Variants in DNAH12 observed in about 807,000 individuals in gnomAD.
DNAH12 encodes dynein axonemal heavy chain 12.
A neutral mutation model predicts 371.5 loss-of-function variants in DNAH12; 285 were observed. That is an observed-to-expected ratio of 0.77 (90% CI 0.70 to 0.85). DNAH12 has a LOEUF of 0.85. Among genes scored for constraint, DNAH12 ranks in the 40% least tolerant of loss-of-function variants. DNAH12 has a pLI of 0.00. For synonymous variants in DNAH12, 1,200 were observed against 1,213.0 expected, an observed-to-expected ratio of 0.99 and a Z score of 0.22; for missense variants, 3,611 against 3,689.4, an observed-to-expected ratio of 0.98 and a Z score of 0.55.
chr3:57,551,590 C>A, the DNAH12 span, among the ~76,000 whole-genome samples: 9 of 152,110 alleles, frequency 5.9e-5, no homozygotes, highest in Non-Finnish European at 1.2e-4. Flanking sequence ...TTCTTACTTT[C>A]AGTAGTTTTA....
At chr3:57,371,872 A>G (rs964995174) in intron 55 of DNAH12, among the ~76,000 whole-genome samples, 2 of 147,454 alleles carry the variant, frequency 1.4e-5, no homozygotes, top group African/African-American at 2.5e-5. Flanking sequence ...TCTTGAAAGA[A>G]AAAACAAAAA....
At chr3:57,520,195 G>T (rs1465390199) in intron 4 of DNAH12, among the ~76,000 whole-genome samples, 1 of 151,138 alleles carries the variant, frequency 6.6e-6, no homozygotes, top group Non-Finnish European at 1.5e-5. Context: ...TCACTGCAAC[G>T]TCTGCCTCCG....
Position 57,471,457 on chromosome 3 carries a change from A to T in DNAH12, c.1911+15T>A, listed in dbSNP as rs1028520087. The T allele has an allele frequency of 1.3e-6, 2 of 1,531,800 alleles. No homozygotes were observed. Among genetic ancestry groups the T allele is most frequent in the African/African-American group, 2.8e-5 (2 of 71,792 alleles). 94.9% of individuals were successfully genotyped at this position (1,531,800 alleles called of 1,614,324 possible). On this transcript the variant is annotated intron_variant, in intron 15 of 73. Coordinates refer to ENST00000495027, the MANE Select transcript of DNAH12 (RefSeq NM_001366028.2). ...ATGGGCTGGCCATAGCTATTGTCTC[A>T]TATATTTATCAGACCTGTTGCATGC...
chr3:57,304,195 C>CAGGTGATT (rs2061422296), intron 69 of DNAH12, among the ~76,000 whole-genome samples: 1 of 152,148 alleles, frequency 6.6e-6, no homozygotes, highest in Non-Finnish European at 1.5e-5. Context: ...TGCGTGCACC[C>CAGGTGATT]AGGTGATTAA....
intron 58 of DNAH12, among the ~76,000 whole-genome samples, chr3:57,358,887 C>T (rs1368362223): frequency 2.6e-5 from 4 of 152,088 alleles, no homozygotes; most frequent in Non-Finnish European, 5.9e-5. Context: ...TGGGTTCAAG[C>T]GATTCTCCTG....
At chr3:57,396,822 A>T (rs1193419056) in intron 43 of DNAH12, among the ~76,000 whole-genome samples, 2 of 152,124 alleles carry the variant, frequency 1.3e-5, no homozygotes, top group African/African-American at 2.4e-5. Flanking sequence ...TCCGAGACCA[A>T]CCTGGCCAGC....
At chr3:57,344,826 A>G (rs1553657534) in intron 60 of DNAH12, among the ~76,000 whole-genome samples, 1 of 152,172 alleles carries the variant, frequency 6.6e-6, no homozygotes, top group African/African-American at 2.4e-5. Context: ...GAAATTTGTT[A>G]AAGGATACAA....
chr3:57,434,721 A>T (rs189074084), intron 30 of DNAH12, among the ~76,000 whole-genome samples: 1 of 152,346 alleles, frequency 6.6e-6, no homozygotes, highest in Admixed American at 6.5e-5. Context: ...ACATTTGGTA[A>T]ATGTATTCCT....
chr3:57,339,781 T>G (rs779916600), intron 60 of DNAH12, among the ~76,000 whole-genome samples: 18 of 151,924 alleles, frequency 1.2e-4, no homozygotes, highest in Non-Finnish European at 2.1e-4. Flanking sequence ...AAAAAGAAGT[T>G]AAGAGAGAAA....
Position 57,309,772 on chromosome 3 carries a change from G to A in DNAH12, c.10979C>T (p.Thr3660Ile). The A allele has an allele frequency of 1.3e-6, 2 of 1,551,416 alleles. No homozygotes were observed. The highest frequency in any genetic ancestry group is 1.7e-4 in the Middle Eastern group (1 of 5,984). Residue 3660 changes from threonine (T) to isoleucine (I), a missense_variant, in exon 68 of 74, where the codon ACC becomes ATC. Physicochemically the swap from Thr to Ile is moderately conservative, Grantham distance 89. This residue lies in a region of DNAH12 where 2,266 missense variants were observed against 2,236.9 expected (regional missense o/e 1.01). Transcript: ENST00000495027. ...GGTGAGGAGCAAGGACTCAAAGAGG[G>A]TTTTTGTTTGTTGAAGATCCTTGGA... ...DISKDLQQTK[T>I]LFESLLLTQG...
chr3:57,381,610 T>C (rs1210442169), intron 50 of DNAH12, among the ~76,000 whole-genome samples: 1 of 152,196 alleles, frequency 6.6e-6, no homozygotes, highest in Non-Finnish European at 1.5e-5. Flanking sequence ...CTTTTTTTAA[T>C]GGAATTCCAC....
chr3:57,371,801 A>C (rs1046626606), intron 55 of DNAH12, among the ~76,000 whole-genome samples: 1 of 151,852 alleles, frequency 6.6e-6, no homozygotes, highest in Non-Finnish European at 1.5e-5. Flanking sequence ...AAGAGGAACT[A>C]AAGTAAGACT....
intron 57 of DNAH12, among the ~76,000 whole-genome samples, chr3:57,364,861 A>G (rs1356060860): frequency 3.9e-5 from 6 of 152,242 alleles, no homozygotes; most frequent in African/African-American, 1.2e-4. Context: ...AACATATGAA[A>G]ACAAGCTCAA....
In DNAH12 at chr3:57,425,106, T is replaced by C. The variant is rs1381369753; in HGVS notation, c.5289A>G (p.Val1763=). 4.3e-6 allele frequency: 3 copies of C among 702,796 alleles called. No individual in the cohort carries two copies. The highest frequency in any genetic ancestry group is 7.8e-6 in the Non-Finnish European group (3 of 384,898). 43.5% of individuals were successfully genotyped at this position (702,796 alleles called of 1,614,324 possible). The change falls in exon 35 of 74, where the codon GTA becomes GTG. Residue 1763 remains valine (V), a synonymous_variant. Coordinates refer to ENST00000495027, the MANE Select transcript of DNAH12 (RefSeq NM_001366028.2). ...GCACTTCAAAGAGGCGTGTGAGAGA[T>C]ACAACCACGTTGCTGTTGCTTGTAG... The part of the protein sequence containing the change: ...LIPTSNSNVV[V]SLTRLFEVLL...
At chr3:57,462,659 A>G (rs2153377750) in intron 18 of DNAH12, 31 bp downstream of exon 18, 5 of 1,536,672 alleles carry the variant, frequency 3.3e-6, no homozygotes, top group Non-Finnish European at 4.4e-6. Flanking sequence ...AAGTCATCAC[A>G]TAAAGTATTT....
At position 57,454,801 on chromosome 3, in the gene DNAH12, G is replaced by T. The variant is rs931509276; in HGVS notation, c.3430C>A (p.Gln1144Lys). The T allele has an allele frequency of 4.5e-6, 7 of 1,551,222 alleles. No individual in the cohort carries two copies. Among genetic ancestry groups the T allele is most frequent in the African/African-American group, 2.7e-5 (2 of 73,036 alleles). The change falls in exon 23 of 74, where the codon CAG becomes AAG. Residue 1144 changes from glutamine (Q) to lysine (K), a missense_variant. By Grantham distance (53) the Gln-to-Lys change is moderately conservative (BLOSUM62 1). Transcript: ENST00000495027. ...TCCGTCCCGCCACTTATCACTTCCT[G>T]TGTCTCAGATGTCCAGAACATTTGA... The part of the protein sequence containing the change: ...ISQMFWTSET[Q>K]EVISGGTEGL...
At chr3:57,301,482 C>G (rs1304718809) in intron 70 of DNAH12, among the ~76,000 whole-genome samples, 1 of 151,834 alleles carries the variant, frequency 6.6e-6, no homozygotes, top group Admixed American at 6.6e-5. Flanking sequence ...TTTAATTTTC[C>G]ACTCAGTACT....
rs1021368965 is a variant in DNAH12 at position 57,323,315 on chromosome 3, T to A, written c.10130-55A>T. On this transcript the variant is annotated intron_variant, in intron 63 of 73. Coordinates refer to ENST00000495027, the MANE Select transcript of DNAH12 (RefSeq NM_001366028.2). Reference sequence around the variant, plus strand: ...TACTTACTCTAAAATTATAAAAAAGTGCCTTATGTATAGGTGTTTTATCAT... The same window carrying A: ...TACTTACTCTAAAATTATAAAAAAGAGCCTTATGTATAGGTGTTTTATCAT... 3.3e-6 allele frequency: 5 copies of A among 1,519,776 alleles called. No individual in the cohort carries two copies. In the African/African-American group the frequency reaches 7.0e-5, roughly 21 times the overall value. 94.1% of individuals were successfully genotyped at this position (1,519,776 alleles called of 1,614,324 possible). A position where few individuals can be genotyped will look rare whatever the true frequency, so the allele number is the denominator to read the frequency against.
chr3:57,439,643 C>T (rs1303147610), intron 29 of DNAH12, among the ~76,000 whole-genome samples: 1 of 152,110 alleles, frequency 6.6e-6, no homozygotes, highest in Non-Finnish European at 1.5e-5. Flanking sequence ...GAATTTATGA[C>T]TAAGTCCTCA....
Sources: gnomAD v4.1 joint callset for allele counts (sites outside exome capture counted in the v4.1 genomes callset) on GRCh38, gnomAD v4.1.1 for gene constraint, gnomAD v4.1.1 regional missense constraint, MANE v1.5 for transcripts, NCBI Gene and HGNC (gene_info 2026-07-23, HGNC 2026-07-21) for gene names.